COL21A1: variants seen among roughly 807,000 people sequenced by gnomAD.
The protein encoded by COL21A1 is collagen alpha-1(XXI) chain.
In COL21A1, 149 loss-of-function variants were observed where a neutral mutation model predicts 137.9. The observed-to-expected ratio is 1.08, with a 90% CI of 0.95 to 1.24. The LOEUF (loss-of-function observed/expected upper bound fraction) is 1.24. COL21A1 is among the 50% of genes most tolerant of loss of function. The pLI is 0.00. For synonymous variants in COL21A1, 456 were observed against 391.5 expected (o/e 1.16, Z -1.95); for missense variants, 1,167 against 1,158.4 (o/e 1.01, Z -0.11).
chr6:56,364,031 G>T (rs1326012016), intron 1 of COL21A1, among the ~76,000 whole-genome samples: 1 of 152,202 alleles, frequency 6.6e-6, no homozygotes, highest in Non-Finnish European at 1.5e-5. Context: ...AGGTTGGAAA[G>T]CTGCCAAGAT....
At chr6:56,104,395 T>C (rs1482149401) in intron 16 of COL21A1, among the ~76,000 whole-genome samples, 1 of 152,160 alleles carries the variant, frequency 6.6e-6, no homozygotes. Flanking sequence ...CTAAGAACAC[T>C]CTCTTCATTT....
intron 9 of COL21A1, among the ~76,000 whole-genome samples, chr6:56,162,490 G>A (rs769465393): frequency 9.2e-5 from 14 of 152,166 alleles, no homozygotes; most frequent in Non-Finnish European, 1.9e-4. Flanking sequence ...CGTGTAGAAA[G>A]TACATGAGTA....
chr6:56,263,140 C>T (rs948583344), intron 1 of COL21A1, among the ~76,000 whole-genome samples: 1 of 152,194 alleles, frequency 6.6e-6, no homozygotes, highest in African/African-American at 2.4e-5. Context: ...ATTCCTAGCA[C>T]CTATCACAAA....
chr6:56,101,312 A>G (rs1329161474), intron 17 of COL21A1, among the ~76,000 whole-genome samples, 160 bp downstream of exon 17: 2 of 152,162 alleles, frequency 1.3e-5, no homozygotes, highest in Non-Finnish European at 2.9e-5. Context: ...CAACATTTCA[A>G]TATTTTATGG....
intron 17 of COL21A1, among the ~76,000 whole-genome samples, chr6:56,096,191 A>G (rs1480): frequency 0.71 from 106,898 of 151,540 alleles, 37,947 homozygotes; most frequent in East Asian, 0.87. Context: ...GACAATGCCT[A>G]CAGCCTCATG....
chr6:56,178,442 GT>G (rs1310262378), intron 3 of COL21A1, among the ~76,000 whole-genome samples: 2 of 152,002 alleles, frequency 1.3e-5, no homozygotes, highest in African/African-American at 4.8e-5. Context: ...AATTTAAAAA[GT>G]TTTTCTCTAC....
At chr6:56,304,839 A>G (rs1268262569) in intron 1 of COL21A1, among the ~76,000 whole-genome samples, 2 of 152,280 alleles carry the variant, frequency 1.3e-5, no homozygotes, top group East Asian at 3.9e-4. Flanking sequence ...TGTCCATTTT[A>G]GATCTTTCCT....
At chr6:56,231,522 G>C (rs915080096) in intron 1 of COL21A1, among the ~76,000 whole-genome samples, 1 of 151,820 alleles carries the variant, frequency 6.6e-6, no homozygotes, top group Non-Finnish European at 1.5e-5. Flanking sequence ...CTAGACTTCA[G>C]TATCTCCTCT....
intron 1 of COL21A1, among the ~76,000 whole-genome samples, chr6:56,294,808 T>C (rs1305433082): frequency 6.6e-6 from 1 of 152,042 alleles, no homozygotes; most frequent in African/African-American, 2.4e-5. Flanking sequence ...TATTTTTGAG[T>C]TTTAAAAGGA....
intron 1 of COL21A1, among the ~76,000 whole-genome samples, chr6:56,273,362 C>G (rs1763570706): frequency 8.6e-6 from 1 of 115,628 alleles, no homozygotes; most frequent in African/African-American, 2.8e-5. Context: ...CCAAAGATAG[C>G]AGAAGAAATA....
intron 1 of COL21A1, among the ~76,000 whole-genome samples, chr6:56,261,064 T>C (rs796191083): frequency 1.0e-3 from 85 of 83,180 alleles, no homozygotes; most frequent in African/African-American, 3.7e-3. Flanking sequence ...TCACTTTTTA[T>C]AGAAAATAAG....
At chr6:56,173,188 C>T (rs1180650303) in intron 3 of COL21A1, among the ~76,000 whole-genome samples, 3 of 151,982 alleles carry the variant, frequency 2.0e-5, no homozygotes, top group East Asian at 3.9e-4. Flanking sequence ...CCCATCTCTA[C>T]AAAAACAAAA....
Position 56,069,896 on chromosome 6 carries a change from T to G in COL21A1, c.2020-779A>C, listed in dbSNP as rs940736319. 2.0e-5 allele frequency among the ~76,000 whole-genome samples: 3 copies of G among 151,402 alleles called. No individual in the cohort carries two copies. The Admixed American group carries it at 2.0e-4, about 10-fold the overall frequency. On this transcript the variant is annotated intron_variant, in intron 21 of 29. Coordinates refer to ENST00000244728, the MANE Select transcript of COL21A1 (RefSeq NM_030820.4). Reference sequence around the variant, plus strand: ...AATTATTTATATGTATTTATTTACATATGTGGAATATTATTTTGTTAGAAA... The same window carrying G: ...AATTATTTATATGTATTTATTTACAGATGTGGAATATTATTTTGTTAGAAA...
At chr6:56,351,870 A>G (rs1239505562) in intron 1 of COL21A1, among the ~76,000 whole-genome samples, 1 of 152,250 alleles carries the variant, frequency 6.6e-6, no homozygotes, top group Non-Finnish European at 1.5e-5. Context: ...ACAACATGAT[A>G]TGTTAAATGT....
Position 56,057,429 on chromosome 6 carries a change from A to G in COL21A1, c.*228T>C. 1 of 508,046 alleles carries G rather than the reference A, an allele frequency of 2.0e-6. No individual in the cohort carries two copies. The allele number at this position is 508,046 out of a possible 1,614,324, so 31.5% of individuals were successfully genotyped here. A position where few individuals can be genotyped will look rare whatever the true frequency, so the allele number is the denominator to read the frequency against. ...GATTAACATAAATGGACTTTACAAGAAACCCTTGAGATTTAATTAATGCTG... is the reference window on the plus strand; with the variant it reads ...GATTAACATAAATGGACTTTACAAGGAACCCTTGAGATTTAATTAATGCTG... On this transcript the variant is annotated 3_prime_UTR_variant, in exon 30 of 30. Transcript: ENST00000244728.
intron 1 of COL21A1, among the ~76,000 whole-genome samples, chr6:56,268,910 C>G (rs976049137): frequency 2.0e-5 from 3 of 152,130 alleles, no homozygotes; most frequent in Admixed American, 6.5e-5. Flanking sequence ...GATGAAACAG[C>G]CATTTTAAGA....
intron 12 of COL21A1, among the ~76,000 whole-genome samples, chr6:56,129,224 A>G (rs1773294680): frequency 6.6e-6 from 1 of 152,164 alleles, no homozygotes; most frequent in South Asian, 2.1e-4. Flanking sequence ...ATCTGTGCAT[A>G]TGTGTGCATG....
chr6:56,389,774 G>A (rs1028616366), intron 1 of COL21A1, among the ~76,000 whole-genome samples: 8 of 152,172 alleles, frequency 5.3e-5, no homozygotes, highest in African/African-American at 1.9e-4. Flanking sequence ...GAGAGAATGG[G>A]ATAACATATT....
chr6:56,199,903 A>G (rs942905431), intron 1 of COL21A1, among the ~76,000 whole-genome samples: 1 of 152,182 alleles, frequency 6.6e-6, no homozygotes, highest in Non-Finnish European at 1.5e-5. Context: ...TTTGTGCCAG[A>G]GACTAAATAA....
Sources: allele counts gnomAD v4.1 joint callset (sites outside exome capture counted in the v4.1 genomes callset), GRCh38; gene constraint gnomAD v4.1.1; transcripts MANE v1.5; gene names NCBI Gene and HGNC (gene_info 2026-07-23, HGNC 2026-07-21).